MN1: variants seen among roughly 807,000 people sequenced by gnomAD.
MN1 encodes the protein transcriptional activator MN1.
MN1 carries 19 observed loss-of-function variants against 86.9 expected under a neutral mutation model. The observed-to-expected ratio is 0.22, with a 90% CI of 0.15 to 0.32. The LOEUF (loss-of-function observed/expected upper bound fraction) is 0.32. MN1 is among the 10% of genes least tolerant of loss of function. MN1 has a pLI of 1.00. For synonymous variants in MN1, 928 were observed against 849.6 expected, an observed-to-expected ratio of 1.09 and a Z score of -1.60; for missense variants, 1,841 against 1,862.0, an observed-to-expected ratio of 0.99 and a Z score of 0.21.
intron 1 of MN1, among the ~76,000 whole-genome samples, chr22:27,783,443 C>CT (rs898323584): frequency 6.6e-6 from 1 of 152,104 alleles, no homozygotes; most frequent in African/African-American, 2.4e-5. Context: ...TGTCATGGTG[C>CT]TTTTTAAAAA....
At position 27,799,344 on chromosome 22, in the gene MN1, C is replaced by T. The variant is rs144844337; in HGVS notation, c.1200G>A (p.Leu400=). 8.1e-3 allele frequency: 12,829 copies of T among 1,587,532 alleles called. 68 individuals are homozygous for T. The highest frequency in any genetic ancestry group is 9.9e-3 in the Non-Finnish European group (11,545 of 1,168,832). ...SGGLQDGGPM[L]PSQHAQFEYP... is the part of the protein sequence containing the mutation. ...ACTCGAATTGCGCGTGCTGGCTGGG[C>T]AGCATGGGGCCTCCGTCCTGCAGGC... The change falls in exon 1 of 2, where the codon CTG becomes CTA. Residue 400 remains leucine (L), a synonymous_variant. Transcript: ENST00000302326.
At chr22:27,751,773 G>T (rs1932766792) in intron 1 of MN1, among the ~76,000 whole-genome samples, 3 of 152,234 alleles carry the variant, frequency 2.0e-5, no homozygotes, top group South Asian at 4.2e-4. Flanking sequence ...GATGGAGAAG[G>T]TGCCTGTGGA....
chr22:27,799,978 G>T lies in MN1; in HGVS notation c.566C>A (p.Pro189Gln). The T allele has an allele frequency of 6.2e-7, 1 of 1,602,948 alleles. No individual in the cohort carries two copies. ...SGASSHAVPA[P>Q]CLPLDQSPNR... ...AGGGCTCTGGTCCAGCGGCAGGCAT[G>T]GGGCCGGCACGGCGTGGCTGGAGGC... The change falls in exon 1 of 2, where the codon CCA becomes CAA. Residue 189 changes from proline (P) to glutamine (Q), a missense_variant. Transcript: ENST00000302326.
intron 1 of MN1, among the ~76,000 whole-genome samples, chr22:27,761,375 GTTC>G (rs1221642557): frequency 2.8e-5 from 4 of 144,344 alleles, no homozygotes; most frequent in African/African-American, 5.2e-5. Flanking sequence ...TTATTCTCTA[GTTC>G]TTCTTATTTC....
At chr22:27,765,535 C>T (rs943637491) in intron 1 of MN1, among the ~76,000 whole-genome samples, 1 of 152,260 alleles carries the variant, frequency 6.6e-6, no homozygotes, top group Admixed American at 6.5e-5. Flanking sequence ...GCACTTACCC[C>T]TGCAAGGCCT....
chr22:27,763,937 G>C (rs1932851035), intron 1 of MN1, among the ~76,000 whole-genome samples: 1 of 152,222 alleles, frequency 6.6e-6, no homozygotes, highest in Non-Finnish European at 1.5e-5. Context: ...AGGGGGTTAA[G>C]CAAGCTTTGC....
intron 1 of MN1, among the ~76,000 whole-genome samples, chr22:27,778,148 A>G (rs950841394): frequency 6.6e-6 from 1 of 152,220 alleles, no homozygotes; most frequent in Non-Finnish European, 1.5e-5. Context: ...TCCCAACACT[A>G]ACGAGGGACT....
chr22:27,798,707 C>G lies in MN1; in HGVS notation c.1837G>C (p.Gly613Arg), dbSNP rs1214809970. 6.5e-6 allele frequency: 10 copies of G among 1,535,052 alleles called. No individual in the cohort carries two copies. The highest frequency in any genetic ancestry group is 1.7e-4 in the Middle Eastern group (1 of 5,972). The change falls in exon 1 of 2, where the codon GGG becomes CGG. Residue 613 changes from glycine to arginine, a missense_variant. By Grantham distance (125) the Gly-to-Arg change is moderately radical (BLOSUM62 -2). Transcript: ENST00000302326. Reference sequence around the variant, plus strand: ...TGCTGCTCGAAGGTGCCCAGACGCCCGGCGCCCGTGCTGCCGCCTTCGCGC... The same window carrying G: ...TGCTGCTCGAAGGTGCCCAGACGCCGGGCGCCCGTGCTGCCGCCTTCGCGC... ...FEREGGSTGA[G>R]RLGTFEQQAP...
Position 27,799,442 on chromosome 22 carries a change from G to C in MN1, c.1102C>G (p.Leu368Val). The C allele has an allele frequency of 6.8e-7, 1 of 1,469,894 alleles. No homozygotes were observed. Among genetic ancestry groups the C allele is most frequent in the Non-Finnish European group, 9.0e-7 (1 of 1,114,204 alleles). 91.1% of individuals were successfully genotyped at this position (1,469,894 alleles called of 1,614,324 possible). The part of the protein sequence containing the change: ...QQQPPPPPGL[L>V]VRQNSCPPAL... ...GGCGGGCACGAATTTTGTCGGACTA[G>C]AAGCCCGGGTGGCGGCGGCGGCTGC... is the stretch of plus-strand genomic sequence containing the variant. The change falls in exon 1 of 2, where the codon CTA becomes GTA. Residue 368 changes from leucine to valine, a missense_variant. By Grantham distance (32) the Leu-to-Val change is conservative (BLOSUM62 1). Coordinates refer to ENST00000302326, the MANE Select transcript of MN1 (RefSeq NM_002430.3).
intron 1 of MN1, among the ~76,000 whole-genome samples, chr22:27,795,167 T>G (rs1568981865): frequency 1.3e-5 from 2 of 152,182 alleles, no homozygotes; most frequent in Non-Finnish European, 2.9e-5. Flanking sequence ...CAGCGTCTGC[T>G]GTGCATGCTA....
chr22:27,788,888 C>T (rs557905259), intron 1 of MN1, among the ~76,000 whole-genome samples: 1 of 152,164 alleles, frequency 6.6e-6, no homozygotes, highest in African/African-American at 2.4e-5. Context: ...ATCAGAAAGA[C>T]CCCCCCAGAC....
rs377485634 is a variant in MN1 at position 27,750,781 on chromosome 22, GAA to G, written c.*132_*133del. The stretch of plus-strand genomic sequence containing the variant: ...GCCACTAAGCAGGTACCAACCTAGA[GAA>G]AAAAAAAAAACTCATCCACTCAGCA... On this transcript the variant is annotated 3_prime_UTR_variant, in exon 2 of 2. Transcript: ENST00000302326. The G allele has an allele frequency of 8.8e-5, 44 of 497,830 alleles. No individual in the cohort carries two copies. Among genetic ancestry groups the G allele is most frequent in the Non-Finnish European group, 1.2e-4 (41 of 345,846 alleles). 30.8% of individuals were successfully genotyped at this position (497,830 alleles called of 1,614,324 possible). A position where few individuals can be genotyped will look rare whatever the true frequency, so the allele number is the denominator to read the frequency against.
rs1307425067 is a variant in MN1 at position 27,785,062 on chromosome 22, AC to A, written c.3781+11700del. ...ATGTGCGTGCTGGCATCCGCCACACACACACACACACACACACACACACACA... is the reference window on the plus strand; with the variant it reads ...ATGTGCGTGCTGGCATCCGCCACACAACACACACACACACACACACACACA... On this transcript the variant is annotated intron_variant, in intron 1 of 1. Transcript: ENST00000302326. Among the ~76,000 whole-genome samples the A allele has an allele frequency of 6.1e-3, 655 of 106,748 alleles. 6 individuals carry two copies. The highest frequency in any genetic ancestry group is 0.02 in the African/African-American group (620 of 31,784). 70.0% of individuals were successfully genotyped at this position (106,748 alleles called of 152,430 possible). A position where few individuals can be genotyped will look rare whatever the true frequency, so the allele number is the denominator to read the frequency against.
chr22:27,757,088 G>A (rs1458343786), intron 1 of MN1, among the ~76,000 whole-genome samples: 1 of 151,530 alleles, frequency 6.6e-6, no homozygotes, highest in Non-Finnish European at 1.5e-5. Flanking sequence ...CCCCTAACCT[G>A]GTACTACTGT....
At position 27,753,847 on chromosome 22, in the gene MN1, G is replaced by A. The variant is rs775300972; in HGVS notation, c.3782-2751C>T. Among the ~76,000 whole-genome samples the A allele has an allele frequency of 6.6e-5, 10 of 152,156 alleles. 1 individual carries two copies. Among genetic ancestry groups the A allele is most frequent in the South Asian group, 6.2e-4 (3 of 4,806 alleles). ...AACCCATGCTTGCCTTGTTCCCAGC[G>A]ACCCCTCCACCCTACCCTGCTTAAT... On this transcript the variant is annotated intron_variant, in intron 1 of 1. Transcript: ENST00000302326.
At chr22:27,767,110 G>C (rs1932875581) in intron 1 of MN1, among the ~76,000 whole-genome samples, 1 of 152,008 alleles carries the variant, frequency 6.6e-6, no homozygotes, top group African/African-American at 2.4e-5. Context: ...TGAAACTAGG[G>C]GCCTTGTATC....
intron 1 of MN1, among the ~76,000 whole-genome samples, chr22:27,771,587 T>C (rs1231712662): frequency 6.6e-6 from 1 of 152,100 alleles, no homozygotes; most frequent in Admixed American, 6.5e-5. Flanking sequence ...CAAATGAAAA[T>C]TATATGAAAT....
Position 27,798,209 on chromosome 22 carries a change from C to A in MN1, c.2335G>T (p.Gly779Cys). The A allele has an allele frequency of 6.5e-7, 1 of 1,530,788 alleles. No homozygotes were observed. The highest frequency in any genetic ancestry group is 8.7e-7 in the Non-Finnish European group (1 of 1,147,766). The allele number at this position is 1,530,788 out of a possible 1,614,324, so 94.8% of individuals were successfully genotyped here. Residue 779 changes from glycine (G) to cysteine (C), a missense_variant, in exon 1 of 2, where the codon GGC (glycine) becomes TGC (cysteine). Transcript: ENST00000302326. Reference protein sequence around the residue: ...AGGGGGSSGGGGGGGAYPPQP... With the variant: ...AGGGGGSSGGCGGGGAYPPQP... ...GGCGGGTAGGCACCCCCGCCACCGC[C>A]GCCACCAGAGCTGCCACCGCCCCCT...
intron 1 of MN1, among the ~76,000 whole-genome samples, chr22:27,775,927 C>T (rs893679435): frequency 6.6e-6 from 1 of 150,894 alleles, no homozygotes. Flanking sequence ...CCCAGCCGCA[C>T]TTGCATTTAA....
Sources: allele counts gnomAD v4.1 joint callset (sites outside exome capture counted in the v4.1 genomes callset), GRCh38; gene constraint gnomAD v4.1.1; transcripts MANE v1.5; gene names NCBI Gene and HGNC (gene_info 2026-07-23, HGNC 2026-07-21).